DDX60: variants seen among roughly 807,000 people sequenced by gnomAD.
DDX60 encodes DExD/H-box helicase 60.
DDX60 carries 165 observed loss-of-function variants against 212.8 expected under a neutral mutation model. That is an observed-to-expected ratio of 0.78 (90% CI 0.68 to 0.88). The LOEUF (loss-of-function observed/expected upper bound fraction) is 0.88, where lower values mean the gene tolerates loss of function less well. DDX60 is among the 40% of genes least tolerant of loss of function. The probability of loss-of-function intolerance (pLI) is 0.00; values close to 1 mark genes in which losing one functional copy is unlikely to be tolerated. For missense variants in DDX60, 1,905 were observed against 2,003.9 expected (o/e 0.95, Z 0.94); for synonymous variants, 703 against 685.3 (o/e 1.03, Z -0.40).
intron 9 of DDX60, 100 bp downstream of exon 9, chr4:168,288,074 G>T: frequency 1.3e-6 from 1 of 756,786 alleles, no homozygotes; most frequent in Non-Finnish European, 2.0e-6. Context: ...TAATTGCTAT[G>T]TTATATGTTG....
In DDX60 at chr4:168,262,045, T is replaced by C; in HGVS notation, c.3228A>G (p.Leu1076=). The change falls in exon 24 of 38, where the codon CTA becomes CTG. Residue 1076 remains leucine, a synonymous_variant. Transcript: ENST00000393743. ...TAATCCAACTTGTTAATTCTGCCTTTAGACTCTCTTCATATTTCCTAGCAT... is the reference window on the plus strand; with the variant it reads ...TAATCCAACTTGTTAATTCTGCCTTCAGACTCTCTTCATATTTCCTAGCAT... The part of the protein sequence containing the change: ...KMDARKYEES[L]KAELTSWIKN... 6.2e-7 allele frequency: 1 copy of C among 1,601,432 alleles called. No individual in the cohort carries two copies. Among genetic ancestry groups the C allele is most frequent in the Admixed American group, 1.7e-5 (1 of 57,372 alleles).
At chr4:168,253,575 C>T (rs374597200) in intron 26 of DDX60, among the ~76,000 whole-genome samples, 9 of 152,138 alleles carry the variant, frequency 5.9e-5, no homozygotes, top group African/African-American at 2.2e-4. Context: ...AAAATCAGCC[C>T]CCTTGACTCA....
chr4:168,273,830 G>T, intron 17 of DDX60, 104 bp downstream of exon 17: 2 of 1,361,358 alleles, frequency 1.5e-6, no homozygotes, highest in Non-Finnish European at 1.0e-6. Context: ...AGAAAATGCA[G>T]GTTAAAAAAT....
intron 2 of DDX60, 79 bp from the exon 3 acceptor site, chr4:168,311,146 T>C (rs2149554153): frequency 7.0e-7 from 1 of 1,435,138 alleles, no homozygotes; most frequent in Non-Finnish European, 9.7e-7. Flanking sequence ...CATTTAGTTA[T>C]TATTCAAGAA....
intron 7 of DDX60, among the ~76,000 whole-genome samples, chr4:168,293,263 C>T (rs959500251): frequency 6.6e-6 from 1 of 152,128 alleles, no homozygotes; most frequent in Non-Finnish European, 1.5e-5. Flanking sequence ...AGGATGACGC[C>T]AAGACACTAC....
intron 1 of DDX60, among the ~76,000 whole-genome samples, chr4:168,316,238 C>A (rs905674272): frequency 2.6e-5 from 4 of 152,138 alleles, no homozygotes; most frequent in Admixed American, 2.6e-4. Flanking sequence ...CATGTCTTAG[C>A]CTAGCAATTC....
chr4:168,237,459 C>A, intron 31 of DDX60, 32 bp from the exon 32 acceptor site: 1 of 1,523,204 alleles, frequency 6.6e-7, no homozygotes, highest in Non-Finnish European at 8.8e-7. Flanking sequence ...ATTAGTTTGA[C>A]TCAAGTCACC....
At chr4:168,275,236 T>C in intron 16 of DDX60, 109 bp downstream of exon 16, 1 of 1,042,808 alleles carries the variant, frequency 9.6e-7, no homozygotes, top group Non-Finnish European at 1.3e-6. Flanking sequence ...AAAGTATCTT[T>C]AAATGACATG....
At chr4:168,286,705 T>A (rs569851) in intron 10 of DDX60, among the ~76,000 whole-genome samples, 64,448 of 151,746 alleles carry the variant, frequency 0.42, 14,400 homozygotes, top group African/African-American at 0.59. Flanking sequence ...AGCTATAATG[T>A]TATAAAAAGA....
rs118057918 is a variant in DDX60 at position 168,252,970 on chromosome 4, A to G, written c.3558-314T>C. 3.9e-4 allele frequency among the ~76,000 whole-genome samples: 59 copies of G among 152,054 alleles called. No individual in the cohort carries two copies. The East Asian group carries it at 0.01, about 27-fold the overall frequency. ...CAGGTGTCCACCACCGCACCTGGCTAAATTTTGTATCTTCAGTAGAGACGG... is the reference window on the plus strand; with the variant it reads ...CAGGTGTCCACCACCGCACCTGGCTGAATTTTGTATCTTCAGTAGAGACGG... On this transcript the variant is annotated intron_variant, in intron 26 of 37. Transcript: ENST00000393743.
At chr4:168,280,881 T>C (rs928841160) in intron 13 of DDX60, among the ~76,000 whole-genome samples, 2 of 152,192 alleles carry the variant, frequency 1.3e-5, no homozygotes, top group African/African-American at 4.8e-5. Context: ...GAATGACACC[T>C]GTAATCCCAG....
At chr4:168,226,800 C>T (rs114765207) in intron 33 of DDX60, among the ~76,000 whole-genome samples, 2 of 152,076 alleles carry the variant, frequency 1.3e-5, no homozygotes, top group Non-Finnish European at 2.9e-5. Flanking sequence ...ACACTTCACA[C>T]GTTCTCACTA....
intron 1 of DDX60, among the ~76,000 whole-genome samples, chr4:168,312,998 T>C (rs1737208463): frequency 6.6e-6 from 1 of 152,220 alleles, no homozygotes; most frequent in African/African-American, 2.4e-5. Context: ...ATCTACACTT[T>C]ACAAAACATT....
Position 168,285,399 on chromosome 4 carries a change from AG to A in DDX60, c.1438del (p.Leu480Ter). 1 of 1,606,172 alleles carries A rather than the reference AG, an allele frequency of 6.2e-7. No individual in the cohort carries two copies. Among genetic ancestry groups the A allele is most frequent in the Non-Finnish European group, 8.5e-7 (1 of 1,175,426 alleles). On this transcript the variant is annotated frameshift_variant, in exon 11 of 38. Coordinates refer to ENST00000393743, the MANE Select transcript of DDX60 (RefSeq NM_017631.6). LOFTEE classifies it high-confidence loss of function. ...ACAGTTTTTGGCCTTATACCTCTTTAGAAAAGGCAAATCTTTCAAAATATCT... is the reference window on the plus strand; with the variant it reads ...ACAGTTTTTGGCCTTATACCTCTTTAAAAAGGCAAATCTTTCAAAATATCT... The part of the protein sequence containing the change: ...AGDILKDLPF[L>X]KSDDPIVTSL...
chr4:168,269,284 A>C (rs1415053928), intron 19 of DDX60, among the ~76,000 whole-genome samples: 1 of 152,054 alleles, frequency 6.6e-6, no homozygotes, highest in Non-Finnish European at 1.5e-5. Flanking sequence ...TCTGCCCTTA[A>C]ATTCTTCACA....
chr4:168,308,225 C>T, intron 3 of DDX60, 30 bp from the exon 4 acceptor site: 1 of 1,289,178 alleles, frequency 7.8e-7, no homozygotes, highest in South Asian at 1.3e-5. Flanking sequence ...AAACAAAAAT[C>T]ACATATGCAT....
At chr4:168,296,760 CATT>C (rs1477755199) in intron 6 of DDX60, among the ~76,000 whole-genome samples, 1 of 151,916 alleles carries the variant, frequency 6.6e-6, no homozygotes, top group Non-Finnish European at 1.5e-5. Context: ...AAAATCTCAT[CATT>C]ATCTCCAAAA....
chr4:168,222,582 A>C (rs1051748191), intron 35 of DDX60, among the ~76,000 whole-genome samples: 4 of 152,128 alleles, frequency 2.6e-5, no homozygotes, highest in Non-Finnish European at 5.9e-5. Context: ...AACTGCAGCA[A>C]TATCTAAACA....
intron 10 of DDX60, among the ~76,000 whole-genome samples, chr4:168,286,805 G>A (rs1560860121): frequency 6.6e-6 from 1 of 152,110 alleles, no homozygotes; most frequent in Non-Finnish European, 1.5e-5. Context: ...GGAAATGGAA[G>A]TCATATATAT....
Sources: gnomAD v4.1 joint callset for allele counts (sites outside exome capture counted in the v4.1 genomes callset) on GRCh38, gnomAD v4.1.1 for gene constraint, MANE v1.5 for transcripts, NCBI Gene and HGNC (gene_info 2026-07-23, HGNC 2026-07-21) for gene names.